Variants in CMTM7 observed in about 807,000 individuals in gnomAD.
CMTM7 encodes the protein CKLF like MARVEL transmembrane domain containing 7, also known as CKLF-like MARVEL transmembrane domain-containing protein 7.
CMTM7 carries 7 observed loss-of-function variants against 19.3 expected under a neutral mutation model. That is an observed-to-expected ratio of 0.36 (90% CI 0.21 to 0.68). The LOEUF (loss-of-function observed/expected upper bound fraction) is 0.68. Ranked by LOEUF, CMTM7 falls within the 30% of genes least tolerant of loss-of-function variation. The probability of loss-of-function intolerance (pLI) is 0.60; values close to 1 mark genes in which losing one functional copy is unlikely to be tolerated. For synonymous variants in CMTM7, 87 were observed against 99.3 expected, an observed-to-expected ratio of 0.88 and a Z score of 0.74; for missense variants, 193 against 232.6, an observed-to-expected ratio of 0.83 and a Z score of 1.11.
chr3:32,444,345 C>G (rs1351011080), intron 2 of CMTM7, among the ~76,000 whole-genome samples: 1 of 152,174 alleles, frequency 6.6e-6, no homozygotes, highest in African/African-American at 2.4e-5. Flanking sequence ...CATTGGCACC[C>G]TTGTTGAAAT....
At chr3:32,424,860 G>T (rs2125632139) in intron 1 of CMTM7, among the ~76,000 whole-genome samples, 1 of 152,228 alleles carries the variant, frequency 6.6e-6, no homozygotes, top group South Asian at 2.1e-4. Context: ...TGCCCAGGCT[G>T]GTCTCAAAGT....
At chr3:32,396,894 T>C (rs1695926789) in intron 1 of CMTM7, among the ~76,000 whole-genome samples, 1 of 152,234 alleles carries the variant, frequency 6.6e-6, no homozygotes, top group Admixed American at 6.5e-5. Context: ...AGGATGGGGC[T>C]TGTGGCCCTA....
intron 1 of CMTM7, among the ~76,000 whole-genome samples, chr3:32,429,552 A>G (rs1434801782): frequency 1.3e-5 from 2 of 151,666 alleles, no homozygotes; most frequent in Non-Finnish European, 2.9e-5. Flanking sequence ...TGGCCTCCCA[A>G]AGTGCTGGCA....
Position 32,392,036 on chromosome 3 carries a change from C to A in CMTM7, c.130C>A (p.His44Asn), listed in dbSNP as rs529663350. 4 of 1,235,454 alleles carry A rather than the reference C, an allele frequency of 3.2e-6. No homozygotes were observed. Among genetic ancestry groups the A allele is most frequent in the Non-Finnish European group, 4.1e-6 (4 of 987,092 alleles). 76.5% of individuals were successfully genotyped at this position (1,235,454 alleles called of 1,614,324 possible). A position where few individuals can be genotyped will look rare whatever the true frequency, so the allele number is the denominator to read the frequency against. ...GCTGGACCTCAGCTACCCCCGCACC[C>A]ACGCGGCCCTGCTGAAAGTGGCGCA... ...GLLDLSYPRTHAALLKVAQMV... is the reference protein window; with the variant it reads ...GLLDLSYPRTNAALLKVAQMV... Residue 44 changes from histidine to asparagine, a missense_variant, in exon 1 of 5, where the codon CAC (histidine) becomes AAC (asparagine). Coordinates refer to ENST00000334983, the MANE Select transcript of CMTM7 (RefSeq NM_138410.4).
At chr3:32,453,645 C>A (rs1452305328) in intron 4 of CMTM7, among the ~76,000 whole-genome samples, 1 of 152,136 alleles carries the variant, frequency 6.6e-6, no homozygotes, top group Non-Finnish European at 1.5e-5. Context: ...CATAGAGACA[C>A]AAGGTAGACC....
In CMTM7 at chr3:32,395,589, T is replaced by C. The variant is rs146938821; in HGVS notation, c.159+3524T>C. On this transcript the variant is annotated intron_variant, in intron 1 of 4. Coordinates refer to ENST00000334983, the MANE Select transcript of CMTM7 (RefSeq NM_138410.4). The stretch of plus-strand genomic sequence containing the variant: ...AGTTCTAGGGATATAAAAGCCACAG[T>C]GAGATAACACTTCACACCCACGGAG... Among the ~76,000 whole-genome samples, 694 of 152,280 alleles carry C rather than the reference T, an allele frequency of 4.6e-3. 7 individuals carry two copies. The highest frequency in any genetic ancestry group is 0.015 in the African/African-American group (640 of 41,548).
intron 1 of CMTM7, among the ~76,000 whole-genome samples, chr3:32,422,173 T>C (rs1389528442): frequency 6.6e-6 from 1 of 152,252 alleles, no homozygotes; most frequent in African/African-American, 2.4e-5. Context: ...TTTTCATCCG[T>C]GACACATGCT....
rs10526471 is a variant in CMTM7, at chr3:32,440,070, T to TAC, written c.160-1735_160-1734dup. ...CACCCATACACTAACACCACACGCATACACACACACACACACACACACACA... is the reference window on the plus strand; with the variant it reads ...CACCCATACACTAACACCACACGCATACACACACACACACACACACACACACA... On this transcript the variant is annotated intron_variant, in intron 1 of 4. Transcript: ENST00000334983. Among the ~76,000 whole-genome samples the TAC allele has an allele frequency of 4.4e-3, 663 of 150,164 alleles. 2 individuals carry two copies. The highest frequency in any genetic ancestry group is 9.8e-3 in the African/African-American group (400 of 40,810).
intron 1 of CMTM7, among the ~76,000 whole-genome samples, chr3:32,430,084 C>G (rs896405562): frequency 8.5e-5 from 13 of 152,114 alleles, no homozygotes; most frequent in Non-Finnish European, 1.6e-4. Flanking sequence ...TGAGATACAA[C>G]TTAATATCAA....
chr3:32,427,831 G>A (rs1696456468), intron 1 of CMTM7, among the ~76,000 whole-genome samples: 1 of 152,208 alleles, frequency 6.6e-6, no homozygotes. Context: ...GCTATTCCTT[G>A]GCGTGATCTG....
chr3:32,405,290 A>C (rs1313552986), intron 1 of CMTM7, among the ~76,000 whole-genome samples: 1 of 152,252 alleles, frequency 6.6e-6, no homozygotes, highest in Non-Finnish European at 1.5e-5. Flanking sequence ...GTGCAGCAGT[A>C]GATAACTAAC....
rs142313872 is a variant in CMTM7, at chr3:32,452,325, C to T, written c.433-67C>T. 4.8e-5 allele frequency: 78 copies of T among 1,612,618 alleles called. No homozygotes were observed. In the African/African-American group the frequency reaches 8.4e-4, roughly 17 times the overall value. On this transcript the variant is annotated intron_variant, in intron 3 of 4. Coordinates refer to ENST00000334983, the MANE Select transcript of CMTM7 (RefSeq NM_138410.4). ...AGGGAACAAGCACAGAGATGAGAAG[C>T]AGACAGGATTGCCCGAGTAATTAGC...
intron 1 of CMTM7, among the ~76,000 whole-genome samples, chr3:32,421,416 T>A (rs1486469920): frequency 6.6e-6 from 1 of 152,174 alleles, no homozygotes; most frequent in African/African-American, 2.4e-5. Context: ...AAATATACTC[T>A]TGTGCTTTCC....
chr3:32,405,888 A>G (rs1007672767), intron 1 of CMTM7, among the ~76,000 whole-genome samples: 1 of 152,242 alleles, frequency 6.6e-6, no homozygotes, highest in East Asian at 1.9e-4. Flanking sequence ...AACAGTAACT[A>G]TGGTTGTACA....
intron 1 of CMTM7, among the ~76,000 whole-genome samples, chr3:32,432,775 T>C (rs1696539232): frequency 6.6e-6 from 1 of 152,214 alleles, no homozygotes; most frequent in Non-Finnish European, 1.5e-5. Flanking sequence ...TGATTACTTT[T>C]GCTCTTCTTG....
intron 1 of CMTM7, among the ~76,000 whole-genome samples, chr3:32,441,324 C>T (rs1011308717): frequency 3.9e-5 from 6 of 152,158 alleles, no homozygotes; most frequent in African/African-American, 1.4e-4. Context: ...ATGGCCTTAG[C>T]GAGATCACGT....
intron 1 of CMTM7, among the ~76,000 whole-genome samples, chr3:32,418,509 C>T (rs6550132): frequency 0.54 from 81,832 of 151,976 alleles, 22,232 homozygotes; most frequent in South Asian, 0.65. Context: ...TTTTCTCCTA[C>T]GTTTTCTTCC....
At chr3:32,393,788 A>G (rs972273545) in intron 1 of CMTM7, among the ~76,000 whole-genome samples, 1 of 151,768 alleles carries the variant, frequency 6.6e-6, no homozygotes, top group African/African-American at 2.4e-5. Flanking sequence ...AAAAAAAAAA[A>G]AAAGGTACAA....
intron 1 of CMTM7, among the ~76,000 whole-genome samples, chr3:32,406,774 C>T (rs115627618): frequency 0.015 from 2,230 of 152,284 alleles, 23 homozygotes; most frequent in Non-Finnish European, 0.02. Flanking sequence ...AGGACAAAGA[C>T]GAGTTTCAGA....
Sources: gnomAD v4.1 joint callset for allele counts (sites outside exome capture counted in the v4.1 genomes callset) on GRCh38, gnomAD v4.1.1 for gene constraint, MANE v1.5 for transcripts, NCBI Gene and HGNC (gene_info 2026-07-23, HGNC 2026-07-21) for gene names.